Variants in ITSN1 observed in about 807,000 individuals in gnomAD.
The protein encoded by ITSN1 is intersectin 1.
A neutral mutation model predicts 239.8 loss-of-function variants in ITSN1; 58 were observed. The ratio of observed to expected loss-of-function variants is 0.24; its 90% CI spans 0.20 to 0.30. The LOEUF is 0.30. ITSN1 is among the 10% of genes least tolerant of loss of function. The pLI, the probability that ITSN1 is intolerant of heterozygous loss-of-function variation, is 1.00. For missense variants in ITSN1, 1,558 were observed against 2,103.3 expected (o/e 0.74, Z 5.07); for synonymous variants, 780 against 770.8 (o/e 1.01, Z -0.20).
rs1986650598 is a variant in ITSN1, at chr21:33,895,412, CATGCGTGTTT to C, written c.*7113_*7122del. On this transcript the variant is annotated 3_prime_UTR_variant, in exon 40 of 40. Coordinates refer to ENST00000381318, the MANE Select transcript of ITSN1 (RefSeq NM_003024.3). ...GCAGCAGCTCAGTGCGTGGTGTGTG[CATGCGTGTTT>C]GTGCGTGCGTGTGCATGTATGTGTT... is the stretch of plus-strand genomic sequence containing the variant. The C allele has an allele frequency of 7.9e-6, 1 of 127,164 alleles. No homozygotes were observed. The highest frequency in any genetic ancestry group is 1.7e-5 in the Non-Finnish European group (1 of 57,436). The allele number at this position is 127,164 out of a possible 1,614,324, so 7.9% of individuals were successfully genotyped here. A position where few individuals can be genotyped will look rare whatever the true frequency, so the allele number is the denominator to read the frequency against.
intron 9 of ITSN1, among the ~76,000 whole-genome samples, chr21:33,762,447 G>A (rs1271758809): frequency 6.6e-6 from 1 of 151,364 alleles, no homozygotes; most frequent in African/African-American, 2.4e-5. Flanking sequence ...TGAATTTTTA[G>A]TAGGACAGGG....
At chr21:33,881,013 G>A (rs918396603) in intron 34 of ITSN1, among the ~76,000 whole-genome samples, 5 of 152,034 alleles carry the variant, frequency 3.3e-5, no homozygotes, top group African/African-American at 1.2e-4. Context: ...AGTGGAGGGA[G>A]GGAGCTGTTC....
In ITSN1 at chr21:33,721,204, G is replaced by A. The variant is rs939799478; in HGVS notation, c.55G>A (p.Val19Ile). The change falls in exon 3 of 40, where the codon GTA (valine) becomes ATA (isoleucine). Residue 19 changes from valine (V) to isoleucine (I), a missense_variant. Val to Ile is a conservative substitution (Grantham distance 29). Coordinates refer to ENST00000381318, the MANE Select transcript of ITSN1 (RefSeq NM_003024.3). ...CAGCCTGGATATCTGGGCCATAACT[G>A]TAGAGGAAAGAGCGAAGCATGATCA... ...GGSLDIWAIT[V>I]EERAKHDQQF... 2 of 1,613,334 alleles carry A rather than the reference G, an allele frequency of 1.2e-6. No homozygotes were observed. The highest frequency in any genetic ancestry group is 1.3e-5 in the African/African-American group (1 of 75,030).
chr21:33,724,048 T>C (rs2065665531), intron 4 of ITSN1, among the ~76,000 whole-genome samples: 1 of 152,182 alleles, frequency 6.6e-6, no homozygotes, highest in Non-Finnish European at 1.5e-5. Flanking sequence ...TGAAAATTAG[T>C]AACTGTCCTG....
At chr21:33,702,117 T>TAAACA (rs1280594061) in intron 1 of ITSN1, among the ~76,000 whole-genome samples, 22,861 of 148,300 alleles carry the variant, frequency 0.15, 2,619 homozygotes, top group East Asian at 0.26. Flanking sequence ...TTTTTTTTTT[T>TAAACA]TTTTTTTTTT....
At chr21:33,834,220 G>A in intron 27 of ITSN1, 87 bp from the exon 28 acceptor site, 4 of 904,040 alleles carry the variant, frequency 4.4e-6, no homozygotes, top group Non-Finnish European at 5.4e-6. Flanking sequence ...TTATATGTAA[G>A]CTTTACATAA....
intron 1 of ITSN1, among the ~76,000 whole-genome samples, chr21:33,663,224 C>T (rs1184069396): frequency 6.6e-6 from 1 of 152,170 alleles, no homozygotes; most frequent in Non-Finnish European, 1.5e-5. Context: ...GTAATTACTG[C>T]TCAGAAATGA....
rs1331208137 is a variant in ITSN1, at chr21:33,690,686, G to A, written c.-32-28111G>A. 2.1e-5 allele frequency among the ~76,000 whole-genome samples: 3 copies of A among 145,208 alleles called. No individual in the cohort carries two copies. In the Admixed American group the frequency reaches 2.1e-4, roughly 10 times the overall value. ...TGAGGCAGGAGAATGACTTGCACTG[G>A]GGAGGTGGAGGTTGCAGTGAGCTGA... On this transcript the variant is annotated intron_variant, in intron 1 of 39. Transcript: ENST00000381318.
intron 1 of ITSN1, among the ~76,000 whole-genome samples, chr21:33,652,727 C>T (rs1185149343): frequency 2.0e-5 from 3 of 152,116 alleles, no homozygotes; most frequent in Admixed American, 2.0e-4. Flanking sequence ...GCATTATTTT[C>T]TGTATTACCA....
At chr21:33,780,323 T>G (rs543709718) in intron 14 of ITSN1, among the ~76,000 whole-genome samples, 6 of 152,332 alleles carry the variant, frequency 3.9e-5, no homozygotes, top group Admixed American at 3.9e-4. Context: ...TGTAATGAAG[T>G]GAAAAATAAA....
intron 4 of ITSN1, among the ~76,000 whole-genome samples, chr21:33,728,381 C>T (rs71326960): frequency 1.4e-4 from 22 of 151,900 alleles, no homozygotes; most frequent in African/African-American, 5.3e-4. Context: ...TACAGGCGCG[C>T]GCCACTATGC....
At chr21:33,805,096 A>G (rs919642025) in intron 20 of ITSN1, among the ~76,000 whole-genome samples, 14 of 152,226 alleles carry the variant, frequency 9.2e-5, no homozygotes, top group Admixed American at 9.2e-4. Context: ...TACTGCATAT[A>G]CAGCCTTCAG....
At position 33,882,485 on chromosome 21, in the gene ITSN1, A is replaced by G. The variant is rs1377037995; in HGVS notation, c.4554+30A>G. On this transcript the variant is annotated intron_variant, in intron 35 of 39. Transcript: ENST00000381318. This position sits in a 1 kb window ranked among gnomAD's most constrained non-coding sequence, Gnocchi z 4.5. ...GTTGGATTCTAGATTTTGCATTATC[A>G]GGGTTGACGTGTTTGGGGAGGAAGA... is the stretch of plus-strand genomic sequence containing the variant. The G allele has an allele frequency of 1.3e-6, 2 of 1,588,936 alleles. No individual in the cohort carries two copies. Among genetic ancestry groups the G allele is most frequent in the Non-Finnish European group, 1.7e-6 (2 of 1,159,388 alleles).
At chr21:33,740,506 A>G (rs548008720) in intron 5 of ITSN1, among the ~76,000 whole-genome samples, 1 of 152,320 alleles carries the variant, frequency 6.6e-6, no homozygotes, top group East Asian at 1.9e-4. Context: ...GAGATGGAGT[A>G]AGAATATGGC....
intron 29 of ITSN1, among the ~76,000 whole-genome samples, chr21:33,842,997 C>A (rs58665975): frequency 0.047 from 7,202 of 152,158 alleles, 454 homozygotes; most frequent in African/African-American, 0.14. Context: ...GCTTCCCAGG[C>A]CCCACCCAGA....
At chr21:33,827,957 A>G (rs963298268) in intron 26 of ITSN1, among the ~76,000 whole-genome samples, 2 of 152,226 alleles carry the variant, frequency 1.3e-5, no homozygotes, top group African/African-American at 2.4e-5. Context: ...ATTTTATTTT[A>G]GTCAGATAAA....
At chr21:33,854,888 A>G (rs1979021818) in intron 29 of ITSN1, among the ~76,000 whole-genome samples, 2 of 152,144 alleles carry the variant, frequency 1.3e-5, no homozygotes, top group South Asian at 2.1e-4. Context: ...ATGATGACTC[A>G]TTTCTGCTGC....
chr21:33,821,677 G>T (rs1389588034), intron 24 of ITSN1, among the ~76,000 whole-genome samples: 1 of 152,138 alleles, frequency 6.6e-6, no homozygotes, highest in African/African-American at 2.4e-5. Flanking sequence ...AGTCTTCCCA[G>T]TCTCCTTTAT....
At chr21:33,643,566 A>G (rs2087643294) in intron 1 of ITSN1, 1 of 152,006 alleles carries the variant, frequency 6.6e-6, no homozygotes, top group Admixed American at 6.6e-5. Context: ...ATTCAGACTC[A>G]AGAAGGCTTT....
Sources: gnomAD v4.1 joint callset for allele counts (sites outside exome capture counted in the v4.1 genomes callset) on GRCh38, gnomAD v4.1.1 for gene constraint, Gnocchi (gnomAD v3.1) non-coding constraint, MANE v1.5 for transcripts, NCBI Gene and HGNC (gene_info 2026-07-23, HGNC 2026-07-21) for gene names.